IGSF21: variants seen among roughly 807,000 people sequenced by gnomAD.
IGSF21 encodes immunoglobin superfamily member 21, also known as immunoglobulin superfamily member 21.
In IGSF21, 28 loss-of-function variants were observed where a neutral mutation model predicts 46.8. The observed-to-expected ratio is 0.60, with a 90% CI of 0.44 to 0.82. The LOEUF (loss-of-function observed/expected upper bound fraction) is 0.82, where lower values mean the gene tolerates loss of function less well. IGSF21 is among the 40% of genes least tolerant of loss of function. The pLI is 0.00. For missense variants in IGSF21, 624 were observed against 665.5 expected (o/e 0.94, Z 0.69); for synonymous variants, 284 against 273.6 (o/e 1.04, Z -0.38).
At chr1:18,287,005 C>A (rs2085218095) in intron 2 of IGSF21, among the ~76,000 whole-genome samples, 1 of 151,562 alleles carries the variant, frequency 6.6e-6, no homozygotes. Flanking sequence ...AACGGTGAAA[C>A]CCCGTCTCTA....
intron 4 of IGSF21, among the ~76,000 whole-genome samples, chr1:18,356,665 G>A (rs913678883): frequency 3.9e-5 from 6 of 152,228 alleles, no homozygotes; most frequent in African/African-American, 1.4e-4. Context: ...CACATAAAAA[G>A]CTGCTGGCTT....
chr1:18,120,851 G>A (rs758991175), intron 1 of IGSF21, among the ~76,000 whole-genome samples: 3 of 152,164 alleles, frequency 2.0e-5, no homozygotes, highest in Non-Finnish European at 4.4e-5. Flanking sequence ...GGCTGGTATT[G>A]ACCTTTGCAG....
chr1:18,184,792 T>C (rs570566680), intron 1 of IGSF21, among the ~76,000 whole-genome samples: 4 of 152,322 alleles, frequency 2.6e-5, no homozygotes, highest in African/African-American at 7.2e-5. Flanking sequence ...TTATATGGAA[T>C]GTGTGCCCTG....
At chr1:18,317,142 G>A (rs1036076402) in intron 3 of IGSF21, among the ~76,000 whole-genome samples, 6 of 152,202 alleles carry the variant, frequency 3.9e-5, no homozygotes, top group Admixed American at 1.3e-4. Flanking sequence ...AGATAGTGTG[G>A]ATCAAGTGCT....
chr1:18,311,177 C>T (rs952748936), intron 3 of IGSF21, among the ~76,000 whole-genome samples: 1 of 152,118 alleles, frequency 6.6e-6, no homozygotes, highest in Non-Finnish European at 1.5e-5. Flanking sequence ...TATGAGAGCC[C>T]CAGGTGCCCC....
At chr1:18,332,686 G>A (rs1041996790) in intron 3 of IGSF21, among the ~76,000 whole-genome samples, 3 of 152,122 alleles carry the variant, frequency 2.0e-5, no homozygotes, top group Admixed American at 2.0e-4. Context: ...GAGTGGAGGG[G>A]GACGGCGTCT....
chr1:18,254,142 T>C (rs1218067944), intron 2 of IGSF21, among the ~76,000 whole-genome samples: 1 of 152,134 alleles, frequency 6.6e-6, no homozygotes, highest in Non-Finnish European at 1.5e-5. Context: ...TTCATGCTTG[T>C]AGTAAGTTCT....
intron 4 of IGSF21, among the ~76,000 whole-genome samples, chr1:18,351,316 T>G (rs1569859365): frequency 1.4e-4 from 19 of 137,870 alleles, no homozygotes; most frequent in South Asian, 5.2e-4. Context: ...GGTGGGGGGG[T>G]AGGGGTGGGC....
At chr1:18,192,429 G>A (rs1288823466) in intron 1 of IGSF21, among the ~76,000 whole-genome samples, 4 of 152,218 alleles carry the variant, frequency 2.6e-5, no homozygotes, top group East Asian at 1.9e-4. Context: ...GGAAGTACTC[G>A]AGTCTGTATA....
intron 3 of IGSF21, among the ~76,000 whole-genome samples, chr1:18,331,244 T>TTC (rs2124603227): frequency 6.6e-6 from 1 of 152,230 alleles, no homozygotes; most frequent in Admixed American, 6.5e-5. Context: ...TTTGTAGTCT[T>TTC]TTATCTCTCA....
chr1:18,263,251 G>C (rs978075903), intron 2 of IGSF21, among the ~76,000 whole-genome samples: 1 of 152,178 alleles, frequency 6.6e-6, no homozygotes, highest in Admixed American at 6.5e-5. Context: ...CTCAGAGCCA[G>C]TTTCGGGAAG....
chr1:18,138,126 T>C (rs954788825), intron 1 of IGSF21, among the ~76,000 whole-genome samples: 4 of 152,042 alleles, frequency 2.6e-5, no homozygotes, highest in Admixed American at 2.6e-4. Flanking sequence ...AGATAATGGG[T>C]TCGTAAGTGA....
At chr1:18,283,123 GCTCTCCTCCCTGCCA>G (rs746131370) in intron 2 of IGSF21, among the ~76,000 whole-genome samples, 27 of 152,168 alleles carry the variant, frequency 1.8e-4, no homozygotes, top group Non-Finnish European at 3.1e-4. Context: ...AGCTGCAGCC[GCTCTCCTCCCTGCCA>G]CTCTCCCCCC....
chr1:18,123,208 C>T (rs887437889), intron 1 of IGSF21, among the ~76,000 whole-genome samples: 16 of 152,222 alleles, frequency 1.1e-4, no homozygotes, highest in Non-Finnish European at 1.8e-4. Context: ...TTAGAAGGAA[C>T]ACCCCACCTA....
chr1:18,233,251 AC>A (rs1260839237), intron 2 of IGSF21, among the ~76,000 whole-genome samples: 1 of 152,068 alleles, frequency 6.6e-6, no homozygotes, highest in Admixed American at 6.5e-5. Flanking sequence ...CCTTTATCTC[AC>A]CTTTTTCACC....
chr1:18,301,954 A>T (rs1273747189), intron 3 of IGSF21, among the ~76,000 whole-genome samples: 1 of 152,072 alleles, frequency 6.6e-6, no homozygotes, highest in Non-Finnish European at 1.5e-5. Flanking sequence ...CATCAATTCC[A>T]TTGACTAGAG....
intron 1 of IGSF21, among the ~76,000 whole-genome samples, chr1:18,221,392 C>T (rs996473811): frequency 1.3e-5 from 2 of 152,118 alleles, no homozygotes; most frequent in Admixed American, 6.5e-5. Context: ...CAGAGACAGG[C>T]CCATATCCCT....
At chr1:18,376,465 C>A in intron 7 of IGSF21, 70 bp downstream of exon 7, 1 of 1,077,700 alleles carries the variant, frequency 9.3e-7, no homozygotes, top group Non-Finnish European at 1.4e-6. Flanking sequence ...CACCAGCATT[C>A]CTGGCAGTCC....
At chr1:18,209,495 C>T (rs2084367336) in intron 1 of IGSF21, among the ~76,000 whole-genome samples, 1 of 151,912 alleles carries the variant, frequency 6.6e-6, no homozygotes, top group Admixed American at 6.6e-5. Flanking sequence ...CACTCTGTCG[C>T]CCAGGCTGGA....
Sources: allele counts gnomAD v4.1 joint callset (sites outside exome capture counted in the v4.1 genomes callset), GRCh38; gene constraint gnomAD v4.1.1; transcripts MANE v1.5; gene names NCBI Gene and HGNC (gene_info 2026-07-23, HGNC 2026-07-21).